The following SLC4A10 variants were observed in gnomAD, a reference collection of about 807,000 sequenced individuals.
SLC4A10 encodes solute carrier family 4 member 10.
A neutral mutation model predicts 137.7 loss-of-function variants in SLC4A10; 42 were observed. That is an observed-to-expected ratio of 0.30 (90% CI 0.24 to 0.39). The LOEUF (loss-of-function observed/expected upper bound fraction) is 0.39. Among genes scored for constraint, SLC4A10 ranks in the 10% least tolerant of loss-of-function variants. The pLI is 1.00. For missense variants in SLC4A10, 925 were observed against 1,355.0 expected (o/e 0.68, Z 4.98); for synonymous variants, 474 against 464.1 (o/e 1.02, Z -0.27).
chr2:161,870,274 A>T (rs901979082), intron 6 of SLC4A10, among the ~76,000 whole-genome samples: 2 of 151,636 alleles, frequency 1.3e-5, no homozygotes, highest in African/African-American at 4.8e-5. Flanking sequence ...TACAAATGAA[A>T]ACATAAGGTA....
At chr2:161,834,856 C>G (rs72879248) in intron 3 of SLC4A10, among the ~76,000 whole-genome samples, 10,243 of 152,118 alleles carry the variant, frequency 0.067, 442 homozygotes, top group East Asian at 0.17. Context: ...TAAAAAACAG[C>G]AATAATCTCA....
chr2:161,829,662 T>C (rs2058295040), intron 3 of SLC4A10, among the ~76,000 whole-genome samples: 2 of 152,212 alleles, frequency 1.3e-5, no homozygotes, highest in East Asian at 1.9e-4. Flanking sequence ...TCTGTAAATA[T>C]ATTATTTGAG....
intron 15 of SLC4A10, among the ~76,000 whole-genome samples, chr2:161,939,818 T>C (rs986552038): frequency 6.6e-6 from 1 of 152,090 alleles, no homozygotes; most frequent in African/African-American, 2.4e-5. Flanking sequence ...AAACATAGAA[T>C]GTAAAATTCT....
At chr2:161,660,623 T>TCTTTCTTTCTTTCTTC (rs1433250608) in intron 1 of SLC4A10, among the ~76,000 whole-genome samples, 1 of 136,790 alleles carries the variant, frequency 7.3e-6, no homozygotes, top group Non-Finnish European at 1.6e-5. Flanking sequence ...TTTCTTTCTT[T>TCTTTCTTTCTTTCTTC]CTTCCTTTCC....
At chr2:161,716,820 AT>A (rs567051973) in intron 1 of SLC4A10, among the ~76,000 whole-genome samples, 1 of 151,700 alleles carries the variant, frequency 6.6e-6, no homozygotes, top group Admixed American at 6.6e-5. Flanking sequence ...GAATTTTAAA[AT>A]TTTTTTTCTA....
chr2:161,776,518 C>T (rs2052354153), intron 2 of SLC4A10, among the ~76,000 whole-genome samples: 1 of 151,976 alleles, frequency 6.6e-6, no homozygotes, highest in Admixed American at 6.6e-5. Flanking sequence ...GTTTCAGTCA[C>T]ATTGTGGCAT....
At chr2:161,789,041 G>A (rs551379864) in intron 2 of SLC4A10, among the ~76,000 whole-genome samples, 1 of 152,210 alleles carries the variant, frequency 6.6e-6, no homozygotes, top group Non-Finnish European at 1.5e-5. Context: ...AGGGGATCTT[G>A]TAGTGTGGCA....
chr2:161,918,995 C>T, intron 15 of SLC4A10, among the ~76,000 whole-genome samples: 1 of 152,320 alleles, frequency 6.6e-6, no homozygotes, highest in East Asian at 1.9e-4. Flanking sequence ...CCCCCTCCCC[C>T]CATAGGTTTG....
At chr2:161,806,617 T>C (rs559155696) in intron 3 of SLC4A10, among the ~76,000 whole-genome samples, 1 of 152,300 alleles carries the variant, frequency 6.6e-6, no homozygotes, top group South Asian at 2.1e-4. Flanking sequence ...GTCTCTTTGC[T>C]AAAACATAAC....
At chr2:161,716,181 T>A (rs1484328761) in intron 1 of SLC4A10, among the ~76,000 whole-genome samples, 2 of 150,346 alleles carry the variant, frequency 1.3e-5, no homozygotes, top group African/African-American at 2.4e-5. Flanking sequence ...TTGATGGGTT[T>A]TTTTTTTTTC....
At chr2:161,776,503 C>T (rs534441988) in intron 2 of SLC4A10, among the ~76,000 whole-genome samples, 2 of 151,862 alleles carry the variant, frequency 1.3e-5, no homozygotes, top group Admixed American at 1.3e-4. Flanking sequence ...ATATAAAGTC[C>T]TCAAGTTTCA....
At chr2:161,877,201 A>G (rs1330293705) in intron 8 of SLC4A10, among the ~76,000 whole-genome samples, 1 of 152,150 alleles carries the variant, frequency 6.6e-6, no homozygotes, top group African/African-American at 2.4e-5. Flanking sequence ...AGTTAAGACA[A>G]TGGCATTTGT....
intron 2 of SLC4A10, among the ~76,000 whole-genome samples, chr2:161,794,963 CA>C (rs920222699): frequency 9.9e-5 from 14 of 141,226 alleles, no homozygotes; most frequent in African/African-American, 1.6e-4. Flanking sequence ...AAGTGTCCTG[CA>C]AAAAAAAAAC....
chr2:161,784,331 T>C (rs1428074511), intron 2 of SLC4A10, among the ~76,000 whole-genome samples: 2 of 151,750 alleles, frequency 1.3e-5, no homozygotes, highest in African/African-American at 4.8e-5. Context: ...GTAAAACATA[T>C]TATCCATTAC....
At position 161,748,214 on chromosome 2, in the gene SLC4A10, C is replaced by T. The variant is rs544419930; in HGVS notation, c.49-22759C>T. Among the ~76,000 whole-genome samples, 10 of 152,148 alleles carry T rather than the reference C, an allele frequency of 6.6e-5. No individual in the cohort carries two copies. In the South Asian group the frequency reaches 2.1e-3, roughly 32 times the overall value. On this transcript the variant is annotated intron_variant, in intron 1 of 26. Transcript: ENST00000446997. ...TGATTTTCAAATATTTTCTCCCATC[C>T]TGTGGCCTGCCTTTTTTATTGTGTG...
intron 26 of SLC4A10, among the ~76,000 whole-genome samples, chr2:161,979,537 TTTG>T (rs1699908661): frequency 6.6e-6 from 1 of 152,246 alleles, no homozygotes; most frequent in Non-Finnish European, 1.5e-5. Context: ...AGAAACATCT[TTTG>T]GTTGGTAGTT....
At chr2:161,697,015 G>A (rs886343590) in intron 1 of SLC4A10, among the ~76,000 whole-genome samples, 1 of 152,100 alleles carries the variant, frequency 6.6e-6, no homozygotes, top group Non-Finnish European at 1.5e-5. Context: ...GTGTGAGATG[G>A]TATCTCACTG....
intron 1 of SLC4A10, among the ~76,000 whole-genome samples, chr2:161,691,255 A>G (rs2041963479): frequency 6.7e-6 from 1 of 148,944 alleles, no homozygotes; most frequent in Admixed American, 6.7e-5. Flanking sequence ...ATGGCTATAA[A>G]ATTTAATATT....
intron 1 of SLC4A10, among the ~76,000 whole-genome samples, chr2:161,750,158 G>T (rs2048816285): frequency 6.6e-6 from 1 of 151,264 alleles, no homozygotes; most frequent in South Asian, 2.1e-4. Flanking sequence ...AGTTAGTCTA[G>T]CTAGGGGTTT....
Sources: gnomAD v4.1 joint callset for allele counts (sites outside exome capture counted in the v4.1 genomes callset) on GRCh38, gnomAD v4.1.1 for gene constraint, MANE v1.5 for transcripts, NCBI Gene and HGNC (gene_info 2026-07-23, HGNC 2026-07-21) for gene names.